ZNF793: variants seen among roughly 807,000 people sequenced by gnomAD.
ZNF793 encodes the protein zinc finger protein 793.
ZNF793 carries 5 observed loss-of-function variants against 12.4 expected under a neutral mutation model. That is an observed-to-expected ratio of 0.40 (90% CI 0.21 to 0.84). ZNF793 has a LOEUF of 0.84. ZNF793 is among the 40% of genes least tolerant of loss of function. The pLI, the probability that ZNF793 is intolerant of heterozygous loss-of-function variation, is 0.35. For missense variants in ZNF793, 456 were observed against 495.0 expected, an observed-to-expected ratio of 0.92 and a Z score of 0.75; for synonymous variants, 162 against 172.4, an observed-to-expected ratio of 0.94 and a Z score of 0.47.
intron 2 of ZNF793, among the ~76,000 whole-genome samples, chr19:37,513,069 G>A (rs1367249487): frequency 2.0e-5 from 3 of 152,108 alleles, no homozygotes; most frequent in African/African-American, 7.2e-5. Flanking sequence ...AAGTGATCAT[G>A]TGTCCTTCTC....
At chr19:37,510,765 C>T (rs532654473) in intron 2 of ZNF793, among the ~76,000 whole-genome samples, 16 of 151,090 alleles carry the variant, frequency 1.1e-4, no homozygotes, top group Middle Eastern at 3.4e-3. Flanking sequence ...GGCACGATCT[C>T]GGCTTACTGC....
chr19:37,514,611 T>TAGATAGATAGATAGATAGAC (rs908672263), intron 2 of ZNF793, among the ~76,000 whole-genome samples: 2 of 144,010 alleles, frequency 1.4e-5, no homozygotes, highest in Non-Finnish European at 3.0e-5. Flanking sequence ...GATAGATAGA[T>TAGATAGATAGATAGATAGAC]AGACTCTTCC....
At chr19:37,515,597 C>T (rs150039239) in intron 2 of ZNF793, among the ~76,000 whole-genome samples, 6 of 152,180 alleles carry the variant, frequency 3.9e-5, no homozygotes, top group South Asian at 2.1e-4. Context: ...CGTGAGCCAC[C>T]GCGCCCAGCC....
At chr19:37,514,660 T>G (rs920445166) in intron 2 of ZNF793, among the ~76,000 whole-genome samples, 7 of 152,122 alleles carry the variant, frequency 4.6e-5, no homozygotes, top group African/African-American at 1.7e-4. Context: ...CCCAACCCTT[T>G]TTTTTTTATA....
Position 37,533,314 on chromosome 19 carries a change from A to G in ZNF793, c.149A>G (p.Glu50Gly). Reference protein sequence around the residue: ...TYSNLVSVGYEGTKPDVILRL... With the variant: ...TYSNLVSVGYGGTKPDVILRL... ...ATCAATTTCCCCGGAACAGGTTATG[A>G]AGGCACCAAACCAGATGTGATCCTC... Residue 50 changes from glutamate to glycine, a missense_variant, in exon 7 of 8, where the codon GAA (glutamate) becomes GGA (glycine). Coordinates refer to ENST00000627814, the MANE Select transcript of ZNF793 (RefSeq NM_001013659.3). 2 of 1,613,896 alleles carry G rather than the reference A, an allele frequency of 1.2e-6. No individual in the cohort carries two copies. Among genetic ancestry groups the G allele is most frequent in the Non-Finnish European group, 8.5e-7 (1 of 1,179,842 alleles).
intron 5 of ZNF793, among the ~76,000 whole-genome samples, chr19:37,529,968 T>C (rs2042444989): frequency 6.6e-6 from 1 of 151,746 alleles, no homozygotes; most frequent in African/African-American, 2.4e-5. Flanking sequence ...TGAGTTCCCT[T>C]AGTATTTATT....
At position 37,541,326 on chromosome 19, in the gene ZNF793, T is replaced by C. The variant is rs562863344; in HGVS notation, c.*3447T>C. On this transcript the variant is annotated 3_prime_UTR_variant, in exon 8 of 8. Transcript: ENST00000627814. The stretch of plus-strand genomic sequence containing the variant: ...AAATCAAAGGAGCCTATGTGTACAA[T>C]CTAGGAGTTGGGAGATATTAACTTT... The C allele has an allele frequency of 7.9e-5, 12 of 152,340 alleles. No individual in the cohort carries two copies. In the South Asian group the frequency reaches 2.5e-3, roughly 32 times the overall value. The allele number at this position is 152,340 out of a possible 1,614,324, so 9.4% of individuals were successfully genotyped here.
rs1375641917 is a variant in ZNF793, at chr19:37,537,804, C to T, written c.1146C>T (p.Leu382=). 6.2e-7 allele frequency: 1 copy of T among 1,613,708 alleles called. No homozygotes were observed. The highest frequency in any genetic ancestry group is 1.7e-5 in the Admixed American group (1 of 59,998). ...CGKAFYQKPN[L]SRHQKIHARK... ...AAGCTTTCTACCAGAAGCCAAACCT[C>T]AGCAGACATCAGAAAATTCATGCTC... is the stretch of plus-strand genomic sequence containing the variant. Residue 382 remains leucine (L), a synonymous_variant, in exon 8 of 8, where the codon CTC becomes CTT. Coordinates refer to ENST00000627814, the MANE Select transcript of ZNF793 (RefSeq NM_001013659.3).
At chr19:37,521,676 C>G (rs1408804490) in intron 3 of ZNF793, among the ~76,000 whole-genome samples, 3 of 151,862 alleles carry the variant, frequency 2.0e-5, no homozygotes, top group Non-Finnish European at 4.4e-5. Context: ...CTCCCAACCT[C>G]AGGTGATACA....
chr19:37,507,799 G>T (rs903815197), intron 1 of ZNF793, among the ~76,000 whole-genome samples: 2 of 152,138 alleles, frequency 1.3e-5, no homozygotes, highest in Admixed American at 1.3e-4. Context: ...CAATCAGATC[G>T]GATCGGTGTT....
intron 5 of ZNF793, among the ~76,000 whole-genome samples, chr19:37,530,698 A>C (rs1164575633): frequency 3.3e-5 from 5 of 152,214 alleles, no homozygotes; most frequent in African/African-American, 1.2e-4. Context: ...GTACAGAACG[A>C]AATGGAGTCT....
chr19:37,536,135 A>G, intron 7 of ZNF793: 1 of 255,780 alleles, frequency 3.9e-6, no homozygotes, highest in Non-Finnish European at 7.3e-6. Flanking sequence ...TGCCAAGTTA[A>G]GAACTCTTGC....
At position 37,538,157 on chromosome 19, in the gene ZNF793, T is replaced by C. The variant is rs185807394; in HGVS notation, c.*278T>C. 0.011 allele frequency: 3,472 copies of C among 302,562 alleles called. 34 individuals carry two copies. The highest frequency in any genetic ancestry group is 0.016 in the Non-Finnish European group (2,660 of 163,060). 18.7% of individuals were successfully genotyped at this position (302,562 alleles called of 1,614,324 possible). A position where few individuals can be genotyped will look rare whatever the true frequency, so the allele number is the denominator to read the frequency against. ...GTCTCGATCTCCTGACCTTGTGATCTGCCCGCCTTGTCCTCCCAAAGTGCT... is the reference window on the plus strand; with the variant it reads ...GTCTCGATCTCCTGACCTTGTGATCCGCCCGCCTTGTCCTCCCAAAGTGCT... On this transcript the variant is annotated 3_prime_UTR_variant, in exon 8 of 8. Transcript: ENST00000627814.
chr19:37,514,466 G>A (rs930753547), intron 2 of ZNF793, among the ~76,000 whole-genome samples: 2 of 152,162 alleles, frequency 1.3e-5, no homozygotes, highest in Non-Finnish European at 2.9e-5. Flanking sequence ...TGAGGTGGGA[G>A]GGTCGCTTGA....
chr19:37,521,090 C>T (rs759625185), intron 3 of ZNF793, among the ~76,000 whole-genome samples: 3 of 151,594 alleles, frequency 2.0e-5, no homozygotes, highest in Non-Finnish European at 4.4e-5. Flanking sequence ...TGGGTTCACG[C>T]CATTCTCCTG....
rs74174472 is a variant in ZNF793 at position 37,521,429 on chromosome 19, C to CTTT, written c.-146-1082_-146-1080dup. ...TGAATCACCATGCATGGTCAATTCT[C>CTTT]TTTTTTTTTTTTTTTTTTTTTTTGA... On this transcript the variant is annotated intron_variant, in intron 3 of 7. Coordinates refer to ENST00000627814, the MANE Select transcript of ZNF793 (RefSeq NM_001013659.3). Among the ~76,000 whole-genome samples, 200 of 96,996 alleles carry CTTT rather than the reference C, an allele frequency of 2.1e-3. 1 individual carries two copies. The highest frequency in any genetic ancestry group is 3.9e-3 in the East Asian group (12 of 3,092). 63.6% of individuals were successfully genotyped at this position (96,996 alleles called of 152,430 possible). A position where few individuals can be genotyped will look rare whatever the true frequency, so the allele number is the denominator to read the frequency against.
chr19:37,530,085 G>A (rs748379493), intron 5 of ZNF793, among the ~76,000 whole-genome samples: 4 of 152,042 alleles, frequency 2.6e-5, no homozygotes, highest in Non-Finnish European at 4.4e-5. Flanking sequence ...CTGCATCATA[G>A]ACAAGGTAAA....
rs1165074610 is a variant in ZNF793 at position 37,537,366 on chromosome 19, C to G, written c.708C>G (p.Phe236Leu). The change falls in exon 8 of 8, where the codon TTC (phenylalanine) becomes TTG (leucine). Residue 236 changes from phenylalanine (F) to leucine (L), a missense_variant. Transcript: ENST00000627814. ...PHVCSECGKA[F>L]CYKSEFIRHQ... is the part of the protein sequence containing the mutation. Reference sequence around the variant, plus strand: ...TCTGTAGTGAGTGTGGGAAAGCCTTCTGCTACAAGTCTGAATTCATTAGGC... The same window carrying G: ...TCTGTAGTGAGTGTGGGAAAGCCTTGTGCTACAAGTCTGAATTCATTAGGC... 6.2e-7 allele frequency: 1 copy of G among 1,612,888 alleles called. No homozygotes were observed. The highest frequency in any genetic ancestry group is 8.5e-7 in the Non-Finnish European group (1 of 1,179,406).
intron 2 of ZNF793, among the ~76,000 whole-genome samples, chr19:37,515,676 AAC>A (rs575527819): frequency 3.5e-4 from 54 of 152,300 alleles, no homozygotes; most frequent in South Asian, 1.9e-3. Flanking sequence ...GGTAACTGAA[AAC>A]ACAGTTGACT....
Sources: allele counts gnomAD v4.1 joint callset (sites outside exome capture counted in the v4.1 genomes callset), GRCh38; gene constraint gnomAD v4.1.1; transcripts MANE v1.5; gene names NCBI Gene and HGNC (gene_info 2026-07-23, HGNC 2026-07-21).